Variants in ZC2HC1B observed in about 807,000 individuals in gnomAD.
ZC2HC1B encodes the protein zinc finger C2HC-type containing 1B, also known as zinc finger C2HC domain-containing protein 1B.
A neutral mutation model predicts 31.0 loss-of-function variants in ZC2HC1B; 36 were observed. That is an observed-to-expected ratio of 1.16 (90% confidence interval 0.89 to 1.54). ZC2HC1B has a LOEUF of 1.54. ZC2HC1B is among the 40% of genes most tolerant of loss of function. The pLI is 0.00. For synonymous variants in ZC2HC1B, 73 were observed against 88.0 expected, an observed-to-expected ratio of 0.83 and a Z score of 0.95; for missense variants, 260 against 268.6, an observed-to-expected ratio of 0.97 and a Z score of 0.22.
Position 143,903,566 on chromosome 6 carries a change from T to C in ZC2HC1B, c.598+414T>C, listed in dbSNP as rs1172468162. On this transcript the variant is annotated intron_variant, in intron 6 of 7. Transcript: ENST00000237275. The surrounding 1 kb of genome is among the most constrained non-coding windows in gnomAD (Gnocchi z 4.3). ...AAGCCCATTGTAAATAGAAATATTA[T>C]AAGTCAAAAATGCATTTAACATCCC... Among the ~76,000 whole-genome samples, 1 of 152,190 alleles carries C rather than the reference T, an allele frequency of 6.6e-6. No homozygotes were observed. The highest frequency in any genetic ancestry group is 1.5e-5 in the Non-Finnish European group (1 of 68,036).
At chr6:143,879,697 AAG>A (rs1314784366) in intron 1 of ZC2HC1B, among the ~76,000 whole-genome samples, 2 of 152,176 alleles carry the variant, frequency 1.3e-5, no homozygotes, top group African/African-American at 2.4e-5. Context: ...CAGCTCAAGA[AAG>A]AGAATATCTG....
Position 143,903,194 on chromosome 6 carries a change from C to A in ZC2HC1B, c.598+42C>A. On this transcript the variant is annotated intron_variant, in intron 6 of 7. Coordinates refer to ENST00000237275, the MANE Select transcript of ZC2HC1B (RefSeq NM_001013623.3). The surrounding 1 kb of genome is among the most constrained non-coding windows in gnomAD (Gnocchi z 4.3). ...ATTTCATCTCTCAAATGATGGGGGTCAGAGGAGATCACTGTTGGGTTTGGG... is the reference window on the plus strand; with the variant it reads ...ATTTCATCTCTCAAATGATGGGGGTAAGAGGAGATCACTGTTGGGTTTGGG... The A allele has an allele frequency of 6.6e-7, 1 of 1,504,164 alleles. No homozygotes were observed. Among genetic ancestry groups the A allele is most frequent in the South Asian group, 1.2e-5 (1 of 83,050 alleles). 93.2% of individuals were successfully genotyped at this position (1,504,164 alleles called of 1,614,324 possible).
At chr6:143,864,663 T>C (rs577668108) in intron 1 of ZC2HC1B, 96 bp downstream of exon 1, 2 of 1,315,238 alleles carry the variant, frequency 1.5e-6, no homozygotes, top group Non-Finnish European at 2.1e-6. Context: ...TAGCTTGTTC[T>C]ACCATGTGTG....
intron 1 of ZC2HC1B, among the ~76,000 whole-genome samples, chr6:143,874,492 A>T (rs557231331): frequency 6.6e-6 from 1 of 152,358 alleles, no homozygotes; most frequent in South Asian, 2.1e-4. Flanking sequence ...GCTGATAAAG[A>T]CATACCTGAG....
chr6:143,935,405 C>A (rs1437338112), intron 6 of ZC2HC1B, among the ~76,000 whole-genome samples: 1 of 151,990 alleles, frequency 6.6e-6, no homozygotes, highest in African/African-American at 2.4e-5. Flanking sequence ...AATCTCCAGG[C>A]TCCCAGTCAG....
Position 143,903,856 on chromosome 6 carries a change from T to G in ZC2HC1B, c.598+704T>G, listed in dbSNP as rs1190353272. Among the ~76,000 whole-genome samples, 3 of 152,276 alleles carry G rather than the reference T, an allele frequency of 2.0e-5. No homozygotes were observed. The highest frequency in any genetic ancestry group is 4.4e-5 in the Non-Finnish European group (3 of 68,050). On this transcript the variant is annotated intron_variant, in intron 6 of 7. Transcript: ENST00000237275. The surrounding 1 kb of genome is among the most constrained non-coding windows in gnomAD (Gnocchi z 4.3). ...CTATGTAAGTAGTTGTTATGCTATA[T>G]TAAAATTGTTGTATTATTTTTTATT...
Position 143,937,745 on chromosome 6 carries a change from A to G in ZC2HC1B, c.*14+12A>G, listed in dbSNP as rs1177972361. 1 of 1,531,606 alleles carries G rather than the reference A, an allele frequency of 6.5e-7. No homozygotes were observed. Among genetic ancestry groups the G allele is most frequent in the Admixed American group, 2.1e-5 (1 of 48,578 alleles). The allele number at this position is 1,531,606 out of a possible 1,614,324, so 94.9% of individuals were successfully genotyped here. ...CTCCTAGAAGCCAGGTAAGAAAAAAAAATCACCGCTAATCCAGCTGTTGCT... is the reference window on the plus strand; with the variant it reads ...CTCCTAGAAGCCAGGTAAGAAAAAAGAATCACCGCTAATCCAGCTGTTGCT... On this transcript the variant is annotated intron_variant, in intron 7 of 7. Coordinates refer to ENST00000237275, the MANE Select transcript of ZC2HC1B (RefSeq NM_001013623.3).
intron 1 of ZC2HC1B, among the ~76,000 whole-genome samples, chr6:143,866,437 C>T (rs922001625): frequency 3.9e-5 from 6 of 152,170 alleles, no homozygotes; most frequent in Non-Finnish European, 8.8e-5. Context: ...CCACTGCTGC[C>T]CAGCATCACG....
chr6:143,932,775 C>T (rs1778135368), intron 6 of ZC2HC1B, among the ~76,000 whole-genome samples: 1 of 152,032 alleles, frequency 6.6e-6, no homozygotes, highest in Admixed American at 6.6e-5. Flanking sequence ...ATTTTTTTCT[C>T]ATTTGGATAC....
chr6:143,870,206 T>A lies in ZC2HC1B; in HGVS notation c.28+5639T>A, dbSNP rs1777319565. Among the ~76,000 whole-genome samples the A allele has an allele frequency of 6.6e-6, 1 of 152,236 alleles. No individual in the cohort carries two copies. On this transcript the variant is annotated intron_variant, in intron 1 of 7. Coordinates refer to ENST00000237275, the MANE Select transcript of ZC2HC1B (RefSeq NM_001013623.3). This position sits in a 1 kb window ranked among gnomAD's most constrained non-coding sequence, Gnocchi z 4.7. ...ATGCAAAGTGCACAAGCAAGTGCAC[T>A]GTTCAAAGTTCTGCCCACTGGGAAA...
rs1179218095 is a variant in ZC2HC1B, at chr6:143,915,108, C to T, written c.598+11956C>T. Among the ~76,000 whole-genome samples the T allele has an allele frequency of 6.6e-6, 1 of 152,190 alleles. No homozygotes were observed. Among genetic ancestry groups the T allele is most frequent in the African/African-American group, 2.4e-5 (1 of 41,450 alleles). ...TTGATATGATTTGGCTGTGTCCTCA[C>T]CCAAATTTCATCTTGAATTCCCACG... is the stretch of plus-strand genomic sequence containing the variant. On this transcript the variant is annotated intron_variant, in intron 6 of 7. Transcript: ENST00000237275. This position sits in a 1 kb window ranked among gnomAD's most constrained non-coding sequence, Gnocchi z 5.2.
intron 4 of ZC2HC1B, among the ~76,000 whole-genome samples, chr6:143,893,609 G>A (rs1777627350): frequency 6.6e-6 from 1 of 152,106 alleles, no homozygotes; most frequent in Non-Finnish European, 1.5e-5. Flanking sequence ...TGTTTGCTAT[G>A]ATGTGGACCA....
chr6:143,932,157 G>A (rs1248200164), intron 6 of ZC2HC1B, among the ~76,000 whole-genome samples: 1 of 152,148 alleles, frequency 6.6e-6, no homozygotes, highest in African/African-American at 2.4e-5. Flanking sequence ...TTACAGATGT[G>A]AGCTACTGCA....
In ZC2HC1B at chr6:143,917,667, A is replaced by G. The variant is rs1474225469; in HGVS notation, c.598+14515A>G. On this transcript the variant is annotated intron_variant, in intron 6 of 7. Coordinates refer to ENST00000237275, the MANE Select transcript of ZC2HC1B (RefSeq NM_001013623.3). The surrounding 1 kb of genome is among the most constrained non-coding windows in gnomAD (Gnocchi z 4.1). ...CATCTGAAACTTTTTGAGCACTGAC[A>G]TGACATGCAATTGATTTTTGGATTA... Among the ~76,000 whole-genome samples, 2 of 152,202 alleles carry G rather than the reference A, an allele frequency of 1.3e-5. No homozygotes were observed. The highest frequency in any genetic ancestry group is 2.9e-5 in the Non-Finnish European group (2 of 68,036).
intron 1 of ZC2HC1B, among the ~76,000 whole-genome samples, chr6:143,876,261 C>T (rs890684625): frequency 4.1e-4 from 62 of 150,676 alleles, no homozygotes; most frequent in Admixed American, 3.9e-3. Context: ...ACTCTGTCCC[C>T]TGAACTTAGG....
At position 143,921,392 on chromosome 6, in the gene ZC2HC1B, T is replaced by C. The variant is rs554064073; in HGVS notation, c.599-16257T>C. ...GGGAATTCTCTACTGTATCTTTCTC[T>C]ATTGTACTGGAATATCCCTACTTTT... On this transcript the variant is annotated intron_variant, in intron 6 of 7. Transcript: ENST00000237275. The surrounding 1 kb of genome is among the most constrained non-coding windows in gnomAD (Gnocchi z 6.1). 6.6e-6 allele frequency among the ~76,000 whole-genome samples: 1 copy of C among 152,364 alleles called. No individual in the cohort carries two copies. Among genetic ancestry groups the C allele is most frequent in the East Asian group, 1.9e-4 (1 of 5,184 alleles).
In ZC2HC1B at chr6:143,864,509, G is replaced by A. The variant is rs1039851717; in HGVS notation, c.-31G>A. The A allele has an allele frequency of 9.7e-6, 15 of 1,551,394 alleles. No individual in the cohort carries two copies. Among genetic ancestry groups the A allele is most frequent in the Non-Finnish European group, 1.3e-5 (15 of 1,146,850 alleles). On this transcript the variant is annotated 5_prime_UTR_variant, in exon 1 of 8. In the 5' UTR this introduces an upstream ATG that the reference lacks. Transcript: ENST00000237275. Reference sequence around the variant, plus strand: ...TATCTGGACTGGGCTGTAAAAATCTGTGAACACTGTTGCTCTGAGTTAGGA... The same window carrying A: ...TATCTGGACTGGGCTGTAAAAATCTATGAACACTGTTGCTCTGAGTTAGGA...
intron 1 of ZC2HC1B, among the ~76,000 whole-genome samples, chr6:143,867,804 C>T (rs1209067729): frequency 1.3e-5 from 2 of 152,324 alleles, no homozygotes; most frequent in African/African-American, 2.4e-5. Flanking sequence ...CCTCAAACCT[C>T]GACTGGTTGC....
chr6:143,928,352 C>T (rs1301512726), intron 6 of ZC2HC1B, among the ~76,000 whole-genome samples: 2 of 152,116 alleles, frequency 1.3e-5, no homozygotes, highest in East Asian at 1.9e-4. Context: ...TTCCCAGCAC[C>T]GTTTATTGAG....
Sources: gnomAD v4.1 joint callset for allele counts (sites outside exome capture counted in the v4.1 genomes callset) on GRCh38, gnomAD v4.1.1 for gene constraint, Gnocchi (gnomAD v3.1) non-coding constraint, MANE v1.5 for transcripts, NCBI Gene and HGNC (gene_info 2026-07-23, HGNC 2026-07-21) for gene names.